The following PPP2R2B variants were observed in gnomAD, a reference collection of about 807,000 sequenced individuals.
The protein encoded by PPP2R2B is protein phosphatase 2 regulatory subunit Bbeta.
PPP2R2B carries 5 observed loss-of-function variants against 46.0 expected under a neutral mutation model. That is an observed-to-expected ratio of 0.11 (90% CI 0.06 to 0.23). The LOEUF (loss-of-function observed/expected upper bound fraction) is 0.23, where lower values mean the gene tolerates loss of function less well. PPP2R2B is among the 10% of genes least tolerant of loss of function. The pLI is 1.00. For missense variants in PPP2R2B, 367 were observed against 575.0 expected, an observed-to-expected ratio of 0.64 and a Z score of 3.70; for synonymous variants, 215 against 206.7, an observed-to-expected ratio of 1.04 and a Z score of -0.34.
At chr5:146,714,742 T>A (rs544617859) in intron 2 of PPP2R2B, among the ~76,000 whole-genome samples, 31 of 152,296 alleles carry the variant, frequency 2.0e-4, no homozygotes, top group African/African-American at 7.2e-4. Context: ...TTACAAGAAT[T>A]TCTCTCATAT....
At chr5:146,652,602 G>C (rs1265931475) in intron 5 of PPP2R2B, among the ~76,000 whole-genome samples, 3 of 152,150 alleles carry the variant, frequency 2.0e-5, no homozygotes, top group African/African-American at 7.2e-5. Context: ...AGGCCAGGAG[G>C]GGAGTGAAAG....
intron 2 of PPP2R2B, among the ~76,000 whole-genome samples, chr5:146,724,313 AG>A (rs1277024932): frequency 7.3e-6 from 1 of 137,096 alleles, no homozygotes; most frequent in African/African-American, 3.1e-5. Context: ...GGACTGTCAT[AG>A]GTTTTTTTTT....
chr5:146,721,900 T>C (rs899554241), intron 2 of PPP2R2B, among the ~76,000 whole-genome samples: 2 of 152,098 alleles, frequency 1.3e-5, no homozygotes, highest in Non-Finnish European at 2.9e-5. Flanking sequence ...ACAATAATCA[T>C]TAAGGTTAAC....
chr5:147,080,685 T>A lies in PPP2R2B; in HGVS notation c.50+374A>T, dbSNP rs79014095. 8.5e-4 allele frequency among the ~76,000 whole-genome samples: 130 copies of A among 152,242 alleles called. 1 individual carries two copies. Among genetic ancestry groups the A allele is most frequent in the African/African-American group, 3.0e-3 (125 of 41,526 alleles). ...TTCTTCAGTCTCCCTCTGCACTTCA[T>A]GTATTGCCAATGGTCCTCCACATAG... On this transcript the variant is annotated intron_variant, in intron 2 of 10. Coordinates refer to the PPP2R2B transcript ENST00000394413.
intron 1 of PPP2R2B, among the ~76,000 whole-genome samples, chr5:147,034,633 A>G (rs1474376599): frequency 6.6e-6 from 1 of 152,212 alleles, no homozygotes; most frequent in East Asian, 1.9e-4. Context: ...GTCTCTTCTT[A>G]TAGAACTATT....
intron 1 of PPP2R2B, among the ~76,000 whole-genome samples, chr5:146,941,632 G>A (rs1197851143): frequency 6.6e-6 from 1 of 152,098 alleles, no homozygotes; most frequent in Non-Finnish European, 1.5e-5. Flanking sequence ...CTTTTTCTAT[G>A]AGCAATTAAT....
In PPP2R2B at chr5:146,983,282, A is replaced by G. The variant is rs375255567; in HGVS notation, c.79+72383T>C. 8.5e-4 allele frequency among the ~76,000 whole-genome samples: 120 copies of G among 141,744 alleles called. No homozygotes were observed. In the South Asian group the frequency reaches 0.018, roughly 22 times the overall value. 93.0% of individuals were successfully genotyped at this position (141,744 alleles called of 152,430 possible). ...TGCAAGCTCCACCTCCCGGGTTCACACCATTCTCCTGCCTCAGCCTCCCGA... is the reference window on the plus strand; with the variant it reads ...TGCAAGCTCCACCTCCCGGGTTCACGCCATTCTCCTGCCTCAGCCTCCCGA... On this transcript the variant is annotated intron_variant, in intron 1 of 8. Coordinates refer to the PPP2R2B transcript ENST00000336640.
At chr5:146,737,283 G>T (rs1752589759) in intron 2 of PPP2R2B, among the ~76,000 whole-genome samples, 1 of 152,142 alleles carries the variant, frequency 6.6e-6, no homozygotes, top group South Asian at 2.1e-4. Context: ...TATTTTTTGG[G>T]TGTCTACTTC....
intron 2 of PPP2R2B, among the ~76,000 whole-genome samples, chr5:146,751,782 C>T (rs544718890): frequency 1.1e-4 from 17 of 152,084 alleles, no homozygotes; most frequent in Non-Finnish European, 2.1e-4. Context: ...AGGGTGGGGG[C>T]AGGTCTTCTG....
At chr5:147,040,156 A>C (rs549396369) in intron 1 of PPP2R2B, among the ~76,000 whole-genome samples, 27 of 152,276 alleles carry the variant, frequency 1.8e-4, no homozygotes, top group South Asian at 1.7e-3. Flanking sequence ...TTAAATGAAC[A>C]TTGGGTATCA....
intron 5 of PPP2R2B, among the ~76,000 whole-genome samples, chr5:146,654,018 A>C (rs751708186): frequency 2.0e-5 from 3 of 152,178 alleles, no homozygotes; most frequent in Non-Finnish European, 4.4e-5. Context: ...TGTGTTTTTC[A>C]TCTGCTCTGG....
In PPP2R2B at chr5:147,022,899, C is replaced by G. The variant is rs181104394; in HGVS notation, c.79+32766G>C. ...TCAAAAATGAAGGCAACATAAAGAA[C>G]TTTTCAAAAAAGAAAAAAAGTTGAG... is the stretch of plus-strand genomic sequence containing the variant. On this transcript the variant is annotated intron_variant, in intron 1 of 8. Coordinates refer to the PPP2R2B transcript ENST00000336640. Among the ~76,000 whole-genome samples the G allele has an allele frequency of 9.2e-5, 14 of 151,724 alleles. 1 individual carries two copies. In the East Asian group the frequency reaches 2.5e-3, roughly 27 times the overall value.
At chr5:146,764,074 G>A (rs1031260439) in intron 2 of PPP2R2B, among the ~76,000 whole-genome samples, 6 of 152,102 alleles carry the variant, frequency 3.9e-5, no homozygotes, top group African/African-American at 1.2e-4. Flanking sequence ...AAAGAGAAAC[G>A]TACAGGTGGC....
chr5:146,590,346 A>AAAT (rs2150997091), intron 9 of PPP2R2B, 120 bp from the exon 10 acceptor site: 1 of 1,005,944 alleles, frequency 9.9e-7, no homozygotes, highest in East Asian at 2.6e-5. Flanking sequence ...AAAAACCAAA[A>AAAT]AATGAGAACA....
At position 146,878,608 on chromosome 5, in the gene PPP2R2B, G is replaced by T. The variant is rs115018751; in HGVS notation, c.-142C>A. ...AGGCTTGCCTGGCCGGAATGAGGGT[G>T]CTGGTCCCACGGGAGGGCGGCTCCG... On this transcript the variant is annotated 5_prime_UTR_variant, in exon 1 of 10. Transcript: ENST00000394411. This position sits in a 1 kb window ranked among gnomAD's most constrained non-coding sequence, Gnocchi z 4.5. 0.018 allele frequency: 22,771 copies of T among 1,242,090 alleles called. 289 individuals carry two copies. Among genetic ancestry groups the T allele is most frequent in the Non-Finnish European group, 0.022 (20,857 of 966,246 alleles). The allele number at this position is 1,242,090 out of a possible 1,614,324, so 76.9% of individuals were successfully genotyped here.
chr5:146,690,866 A>G (rs973899995), intron 5 of PPP2R2B, among the ~76,000 whole-genome samples: 2 of 152,238 alleles, frequency 1.3e-5, no homozygotes, highest in Admixed American at 6.5e-5. Flanking sequence ...ACAGAGGCTA[A>G]GATTATAGTA....
At chr5:146,972,142 T>TC (rs773110450) in intron 1 of PPP2R2B, among the ~76,000 whole-genome samples, 4 of 152,282 alleles carry the variant, frequency 2.6e-5, no homozygotes, top group Admixed American at 6.5e-5. Context: ...GAAGTCCTGG[T>TC]CAGTGGTTTG....
chr5:146,787,664 T>C (rs985534637), intron 2 of PPP2R2B, among the ~76,000 whole-genome samples: 41 of 152,104 alleles, frequency 2.7e-4, no homozygotes, highest in African/African-American at 9.4e-4. Flanking sequence ...ACCTCCCAGA[T>C]TGAAGTGATT....
intron 2 of PPP2R2B, among the ~76,000 whole-genome samples, chr5:147,067,784 A>C (rs889129681): frequency 6.6e-6 from 1 of 152,166 alleles, no homozygotes; most frequent in Non-Finnish European, 1.5e-5. Flanking sequence ...ACAGTTACCT[A>C]TTTGTTCATT....
Sources: gnomAD v4.1 joint callset for allele counts (sites outside exome capture counted in the v4.1 genomes callset) on GRCh38, gnomAD v4.1.1 for gene constraint, Gnocchi (gnomAD v3.1) non-coding constraint, MANE v1.5 for transcripts, NCBI Gene and HGNC (gene_info 2026-07-23, HGNC 2026-07-21) for gene names.